The following RELN variants were observed in gnomAD, a reference collection of about 807,000 sequenced individuals.
RELN encodes the protein reelin.
In RELN, 108 loss-of-function variants were observed where a neutral mutation model predicts 427.6. The observed-to-expected ratio is 0.25, with a 90% confidence interval of 0.22 to 0.30. The LOEUF (loss-of-function observed/expected upper bound fraction) is 0.30. Among genes scored for constraint, RELN ranks in the 10% least tolerant of loss-of-function variants. RELN has a pLI of 1.00. For synonymous variants in RELN, 1,524 were observed against 1,513.4 expected (o/e 1.01, Z -0.16); for missense variants, 3,715 against 4,302.8 (o/e 0.86, Z 3.82).
chr7:103,938,887 A>C (rs894617578), intron 1 of RELN, among the ~76,000 whole-genome samples: 1 of 152,088 alleles, frequency 6.6e-6, no homozygotes, highest in African/African-American at 2.4e-5. Flanking sequence ...AACTTATTTC[A>C]TTACTTTCCC....
chr7:103,697,069 G>A (rs1833991641), intron 10 of RELN, among the ~76,000 whole-genome samples: 2 of 152,256 alleles, frequency 1.3e-5, no homozygotes, highest in South Asian at 4.2e-4. Flanking sequence ...TGACTGGGTG[G>A]CTTAAACAAC....
intron 8 of RELN, 132 bp from the exon 9 acceptor site, chr7:103,701,138 G>A (rs559140904): frequency 1.6e-5 from 11 of 679,514 alleles, no homozygotes; most frequent in Non-Finnish European, 2.7e-5. Flanking sequence ...TTCTTCTAAT[G>A]ATGCTGAAAT....
chr7:103,954,361 G>C (rs1294513616), intron 1 of RELN, among the ~76,000 whole-genome samples: 1 of 152,192 alleles, frequency 6.6e-6, no homozygotes, highest in Non-Finnish European at 1.5e-5. Flanking sequence ...TATCGTGATA[G>C]GCACCTAACC....
chr7:103,533,268 G>T (rs777921177), intron 46 of RELN, among the ~76,000 whole-genome samples: 1 of 152,156 alleles, frequency 6.6e-6, no homozygotes, highest in Non-Finnish European at 1.5e-5. Flanking sequence ...TCTTTATAGC[G>T]AAGAGCTACA....
intron 3 of RELN, among the ~76,000 whole-genome samples, chr7:103,779,583 G>A (rs1215945410): frequency 6.6e-6 from 1 of 152,120 alleles, no homozygotes; most frequent in Non-Finnish European, 1.5e-5. Flanking sequence ...TGGCAAAGCT[G>A]GGATTCAAAC....
At chr7:103,796,275 T>C (rs747680427) in intron 3 of RELN, among the ~76,000 whole-genome samples, 6 of 152,170 alleles carry the variant, frequency 3.9e-5, no homozygotes, top group Non-Finnish European at 7.3e-5. Flanking sequence ...GTTTGTTATT[T>C]TTCTGATATT....
intron 6 of RELN, among the ~76,000 whole-genome samples, chr7:103,745,101 C>A (rs954369776): frequency 6.6e-6 from 1 of 152,098 alleles, no homozygotes; most frequent in Non-Finnish European, 1.5e-5. Flanking sequence ...GGATGCAAGG[C>A]TGGTTCAATA....
At chr7:103,667,541 A>C (rs1366051561) in intron 11 of RELN, among the ~76,000 whole-genome samples, 1 of 152,196 alleles carries the variant, frequency 6.6e-6, no homozygotes, top group East Asian at 1.9e-4. Context: ...AGGAAAATAA[A>C]TATAATGTTT....
chr7:103,948,968 C>A (rs1220096968), intron 1 of RELN, among the ~76,000 whole-genome samples: 1 of 147,852 alleles, frequency 6.8e-6, no homozygotes, highest in Non-Finnish European at 1.5e-5. Flanking sequence ...TGAGCCTCGG[C>A]CCTTGATTGC....
At chr7:103,841,528 GAC>G (rs1793551701) in intron 2 of RELN, among the ~76,000 whole-genome samples, 1 of 152,116 alleles carries the variant, frequency 6.6e-6, no homozygotes, top group African/African-American at 2.4e-5. Context: ...TTAAGACAGT[GAC>G]ATACATTTCT....
At chr7:103,590,789 T>A (rs1430057768) in intron 27 of RELN, among the ~76,000 whole-genome samples, 1 of 152,168 alleles carries the variant, frequency 6.6e-6, no homozygotes, top group East Asian at 1.9e-4. Flanking sequence ...ATCATAACTG[T>A]CCTTTCTTTT....
intron 1 of RELN, among the ~76,000 whole-genome samples, chr7:103,932,217 C>T (rs1008501325): frequency 3.9e-5 from 6 of 152,178 alleles, no homozygotes; most frequent in African/African-American, 1.4e-4. Context: ...TAGAAAAGAA[C>T]AAGATCAGGT....
At chr7:103,489,944 T>C in intron 59 of RELN, 45 bp from the exon 60 acceptor site, 1 of 1,610,486 alleles carries the variant, frequency 6.2e-7, no homozygotes, top group Non-Finnish European at 8.5e-7. Flanking sequence ...AGGTTGTTAC[T>C]TCCATGGCTG....
intron 3 of RELN, among the ~76,000 whole-genome samples, chr7:103,811,558 G>A (rs965456180): frequency 1.3e-5 from 2 of 152,182 alleles, no homozygotes; most frequent in African/African-American, 4.8e-5. Context: ...GTAACCACCA[G>A]TGCATAGCAC....
intron 3 of RELN, among the ~76,000 whole-genome samples, chr7:103,812,150 G>C (rs1419676441): frequency 6.7e-6 from 1 of 149,410 alleles, no homozygotes. Flanking sequence ...CCTTACAGGT[G>C]ACTTTCACTA....
chr7:103,730,714 C>G (rs1420178381), intron 6 of RELN, among the ~76,000 whole-genome samples: 2 of 152,054 alleles, frequency 1.3e-5, no homozygotes, highest in African/African-American at 2.4e-5. Context: ...ATGGCTTCAC[C>G]AAGGACTGAT....
rs1244613291 is a variant in RELN, at chr7:103,838,152, T to C, written c.338-4480A>G. Among the ~76,000 whole-genome samples, 11 of 130,044 alleles carry C rather than the reference T, an allele frequency of 8.5e-5. No individual in the cohort carries two copies. The Admixed American group carries it at 1.1e-3, about 13-fold the overall frequency. The allele number at this position is 130,044 out of a possible 152,430, so 85.3% of individuals were successfully genotyped here. On this transcript the variant is annotated intron_variant, in intron 2 of 64. Transcript: ENST00000428762. Reference sequence around the variant, plus strand: ...TGAACCTGGGAGGCGGAGCTTGCAGTGAGCCGAGATCACGCCACTGCACTC... The same window carrying C: ...TGAACCTGGGAGGCGGAGCTTGCAGCGAGCCGAGATCACGCCACTGCACTC...
At chr7:103,903,218 G>A (rs1795120350) in intron 2 of RELN, among the ~76,000 whole-genome samples, 1 of 151,046 alleles carries the variant, frequency 6.6e-6, no homozygotes, top group Admixed American at 6.6e-5. Flanking sequence ...TCAGAAAAAT[G>A]CCACTCTCCT....
At chr7:103,585,642 C>T (rs1831252565) in intron 28 of RELN, among the ~76,000 whole-genome samples, 1 of 152,098 alleles carries the variant, frequency 6.6e-6, no homozygotes, top group Non-Finnish European at 1.5e-5. Flanking sequence ...CAAAGCAGGG[C>T]TTTGTACCAA....
Sources: gnomAD v4.1 joint callset for allele counts (sites outside exome capture counted in the v4.1 genomes callset) on GRCh38, gnomAD v4.1.1 for gene constraint, MANE v1.5 for transcripts, NCBI Gene and HGNC (gene_info 2026-07-23, HGNC 2026-07-21) for gene names.